CLASP2: variants seen among roughly 807,000 people sequenced by gnomAD.
CLASP2 encodes the protein cytoplasmic linker associated protein 2, also known as CLIP-associating protein 2.
CLASP2 carries 47 observed loss-of-function variants against 194.4 expected under a neutral mutation model. That is an observed-to-expected ratio of 0.24 (90% CI 0.19 to 0.31). The LOEUF (loss-of-function observed/expected upper bound fraction) is 0.31. Among genes scored for constraint, CLASP2 ranks in the 10% least tolerant of loss-of-function variants. The pLI, the probability that CLASP2 is intolerant of heterozygous loss-of-function variation, is 1.00. For synonymous variants in CLASP2, 619 were observed against 633.5 expected, an observed-to-expected ratio of 0.98 and a Z score of 0.34; for missense variants, 1,445 against 1,823.6, an observed-to-expected ratio of 0.79 and a Z score of 3.78.
At chr3:33,535,207 C>G (rs778705157) in intron 34 of CLASP2, 26 bp downstream of exon 34, 8 of 1,510,318 alleles carry the variant, frequency 5.3e-6, no homozygotes, top group Non-Finnish European at 7.3e-6. Flanking sequence ...CCAAAACAGA[C>G]AGTAGCAGTG....
chr3:33,626,344 T>C (rs2078047040), intron 10 of CLASP2, among the ~76,000 whole-genome samples: 1 of 152,162 alleles, frequency 6.6e-6, no homozygotes, highest in Non-Finnish European at 1.5e-5. Flanking sequence ...GAGGTACTCA[T>C]TTGGTAAATG....
At chr3:33,659,112 C>T in intron 7 of CLASP2, 1 of 1,466,720 alleles carries the variant, frequency 6.8e-7, no homozygotes, top group Middle Eastern at 1.8e-4. Context: ...CTGTGTGACC[C>T]AGGCCTCGCT....
chr3:33,677,443 C>G (rs2088923493), intron 6 of CLASP2, among the ~76,000 whole-genome samples: 1 of 150,872 alleles, frequency 6.6e-6, no homozygotes. Context: ...TCTCAGTAAA[C>G]TATCACAAGA....
intron 23 of CLASP2, among the ~76,000 whole-genome samples, chr3:33,578,799 TA>T (rs1252235852): frequency 2.0e-5 from 3 of 152,184 alleles, no homozygotes; most frequent in Admixed American, 2.0e-4. Flanking sequence ...GTGTCTGAAA[TA>T]AAGTAAGCCT....
At chr3:33,653,668 G>A (rs982902241) in intron 7 of CLASP2, among the ~76,000 whole-genome samples, 5 of 152,118 alleles carry the variant, frequency 3.3e-5, no homozygotes, top group South Asian at 2.1e-4. Flanking sequence ...TGAGTACCAT[G>A]TGCACATACA....
intron 37 of CLASP2, chr3:33,504,919 C>T (rs775327309): frequency 1.4e-5 from 2 of 147,698 alleles, no homozygotes; most frequent in Non-Finnish European, 3.0e-5. Context: ...TGGATCAGTA[C>T]CAGTCCATGG....
intron 26 of CLASP2, among the ~76,000 whole-genome samples, chr3:33,569,831 T>C (rs956773140): frequency 1.3e-5 from 2 of 152,154 alleles, no homozygotes; most frequent in African/African-American, 4.8e-5. Context: ...TTAGTTTATG[T>C]ACAATGTGGG....
rs113755710 is a variant in CLASP2, at chr3:33,710,159, T to A, written c.195+7649A>T. 7.4e-3 allele frequency among the ~76,000 whole-genome samples: 1,134 copies of A among 152,258 alleles called. 11 individuals carry two copies. The highest frequency in any genetic ancestry group is 0.025 in the African/African-American group (1,040 of 41,538). Reference sequence around the variant, plus strand: ...GTTTCTGTAATTACAGAAAGCATGATTCCTAATGGTGAGATGTTAGAAAAC... The same window carrying A: ...GTTTCTGTAATTACAGAAAGCATGAATCCTAATGGTGAGATGTTAGAAAAC... On this transcript the variant is annotated intron_variant, in intron 1 of 38. Coordinates refer to ENST00000682230, the MANE Select transcript of CLASP2 (RefSeq NM_001365631.1).
intron 34 of CLASP2, among the ~76,000 whole-genome samples, chr3:33,523,454 G>A (rs1199918194): frequency 6.6e-6 from 1 of 152,146 alleles, no homozygotes; most frequent in African/African-American, 2.4e-5. Context: ...TCCTCAGTAA[G>A]ATTATCAGCA....
At chr3:33,531,605 G>A (rs910762665) in intron 34 of CLASP2, among the ~76,000 whole-genome samples, 1 of 152,184 alleles carries the variant, frequency 6.6e-6, no homozygotes, top group East Asian at 1.9e-4. Flanking sequence ...GACAAACCCC[G>A]TCTCTACTAA....
intron 25 of CLASP2, among the ~76,000 whole-genome samples, chr3:33,572,055 C>T (rs1438532335): frequency 1.3e-5 from 2 of 152,140 alleles, no homozygotes; most frequent in Non-Finnish European, 2.9e-5. Flanking sequence ...AGTGTTAAGA[C>T]GTTTTCTTAA....
chr3:33,562,673 C>T (rs147579222), intron 27 of CLASP2, among the ~76,000 whole-genome samples: 2 of 152,286 alleles, frequency 1.3e-5, no homozygotes, highest in African/African-American at 4.8e-5. Flanking sequence ...TTCACTTTCA[C>T]CCTTGTTTCA....
At chr3:33,626,680 T>C (rs909411118) in intron 10 of CLASP2, among the ~76,000 whole-genome samples, 1 of 152,130 alleles carries the variant, frequency 6.6e-6, no homozygotes, top group African/African-American at 2.4e-5. Context: ...AATAAGCAAC[T>C]ATATAAGTCC....
At chr3:33,557,076 T>G (rs954174610) in intron 29 of CLASP2, among the ~76,000 whole-genome samples, 13 of 150,562 alleles carry the variant, frequency 8.6e-5, no homozygotes, top group African/African-American at 2.9e-4. Context: ...CCGGTTCAAG[T>G]GATTCTCCTG....
intron 26 of CLASP2, among the ~76,000 whole-genome samples, chr3:33,570,417 A>G (rs1421496739): frequency 6.6e-6 from 1 of 152,226 alleles, no homozygotes; most frequent in Non-Finnish European, 1.5e-5. Flanking sequence ...TTTTCAACTT[A>G]CCCCAATTAT....
At position 33,603,151 on chromosome 3, in the gene CLASP2, T is replaced by G. The variant is rs368454202; in HGVS notation, c.1751-26A>C. The G allele has an allele frequency of 2.0e-6, 3 of 1,515,056 alleles. No homozygotes were observed. In the African/African-American group the frequency reaches 4.2e-5, roughly 21 times the overall value. 93.9% of individuals were successfully genotyped at this position (1,515,056 alleles called of 1,614,324 possible). A position where few individuals can be genotyped will look rare whatever the true frequency, so the allele number is the denominator to read the frequency against. ...CTACGAAATACAAAGCAAAGATAAC[T>G]TATATCATTTAAATCACTGAAAACA... is the stretch of plus-strand genomic sequence containing the variant. On this transcript the variant is annotated intron_variant, in intron 17 of 38. Transcript: ENST00000682230.
At chr3:33,637,482 C>T (rs1318683962) in intron 8 of CLASP2, among the ~76,000 whole-genome samples, 1 of 151,844 alleles carries the variant, frequency 6.6e-6, no homozygotes, top group African/African-American at 2.4e-5. Context: ...TGCAGTGAGC[C>T]GAGATCATGC....
intron 30 of CLASP2, among the ~76,000 whole-genome samples, chr3:33,546,356 C>T (rs1309935209): frequency 1.3e-5 from 2 of 152,172 alleles, no homozygotes; most frequent in Admixed American, 6.5e-5. Flanking sequence ...TGTACTAACA[C>T]CACATGACTT....
intron 27 of CLASP2, 93 bp from the exon 28 acceptor site, chr3:33,561,064 A>C (rs1235774615): frequency 4.5e-6 from 5 of 1,109,008 alleles, no homozygotes; most frequent in Non-Finnish European, 6.4e-6. Context: ...GGAACACAGG[A>C]ATCAGAGGCA....
Sources: allele counts gnomAD v4.1 joint callset (sites outside exome capture counted in the v4.1 genomes callset), GRCh38; gene constraint gnomAD v4.1.1; transcripts MANE v1.5; gene names NCBI Gene and HGNC (gene_info 2026-07-23, HGNC 2026-07-21).